Variants in SNX29 observed in about 807,000 individuals in gnomAD.
SNX29 encodes sorting nexin 29.
In SNX29, 78 loss-of-function variants were observed where a neutral mutation model predicts 102.1. That is an observed-to-expected ratio of 0.76 (90% CI 0.64 to 0.92). The LOEUF (loss-of-function observed/expected upper bound fraction) is 0.92, where lower values mean the gene tolerates loss of function less well. Ranked by LOEUF, SNX29 falls within the 40% of genes least tolerant of loss-of-function variation. The pLI is 0.00. For synonymous variants in SNX29, 580 were observed against 414.5 expected (o/e 1.40, Z -4.85); for missense variants, 1,280 against 1,061.7 (o/e 1.21, Z -2.86).
chr16:12,432,484 G>C (rs2085353014), intron 18 of SNX29, among the ~76,000 whole-genome samples: 2 of 152,210 alleles, frequency 1.3e-5, no homozygotes, highest in South Asian at 4.1e-4. Flanking sequence ...CTGGAGAAAA[G>C]GTGGCCTGGG....
intron 18 of SNX29, among the ~76,000 whole-genome samples, chr16:12,430,201 C>T (rs982343598): frequency 3.9e-5 from 6 of 152,352 alleles, no homozygotes; most frequent in South Asian, 2.1e-4. Flanking sequence ...CATCAGTTCC[C>T]CCCCCAGCCC....
chr16:12,494,189 A>G (rs1326493520), intron 19 of SNX29, among the ~76,000 whole-genome samples: 2 of 152,096 alleles, frequency 1.3e-5, no homozygotes, highest in Admixed American at 6.6e-5. Context: ...CTCAACAACA[A>G]CAGCGAACTC....
At chr16:12,235,099 T>A (rs996124658) in intron 14 of SNX29, among the ~76,000 whole-genome samples, 9 of 152,224 alleles carry the variant, frequency 5.9e-5, no homozygotes, top group African/African-American at 1.9e-4. Flanking sequence ...TCTGTGTCTT[T>A]TTTTTCATTT....
chr16:12,342,922 G>A (rs2081655905), intron 15 of SNX29, among the ~76,000 whole-genome samples: 1 of 152,214 alleles, frequency 6.6e-6, no homozygotes, highest in African/African-American at 2.4e-5. Flanking sequence ...TTCCTGGGAG[G>A]AGCAAGCCAG....
intron 18 of SNX29, among the ~76,000 whole-genome samples, chr16:12,430,211 C>G (rs941465080): frequency 6.6e-6 from 1 of 152,216 alleles, no homozygotes; most frequent in Non-Finnish European, 1.5e-5. Flanking sequence ...CCCCCCAGCC[C>G]CAGTCCATGG....
In SNX29 at chr16:12,181,070, G is replaced by A. The variant is rs182374832; in HGVS notation, c.1596-18531G>A. Among the ~76,000 whole-genome samples the A allele has an allele frequency of 3.5e-4, 54 of 152,336 alleles. 1 individual carries two copies. The East Asian group carries it at 7.3e-3, about 21-fold the overall frequency. ...GACAGTACAGATTTGAGAGTCAGTG[G>A]AGGTGGGCCTGGGTTACCGTGGATC... On this transcript the variant is annotated intron_variant, in intron 13 of 20. Coordinates refer to ENST00000566228, the MANE Select transcript of SNX29 (RefSeq NM_032167.5).
chr16:12,109,494 T>G (rs962816034), intron 11 of SNX29, among the ~76,000 whole-genome samples: 1 of 152,142 alleles, frequency 6.6e-6, no homozygotes, highest in African/African-American at 2.4e-5. Flanking sequence ...TACTGGGGCT[T>G]AAATTTCACT....
At chr16:12,506,325 G>C (rs74009108) in intron 19 of SNX29, among the ~76,000 whole-genome samples, 3 of 152,186 alleles carry the variant, frequency 2.0e-5, no homozygotes, top group Non-Finnish European at 4.4e-5. Context: ...AAAAAGCTGG[G>C]CTTGAATCCT....
chr16:12,290,354 C>G (rs991650623), intron 15 of SNX29, among the ~76,000 whole-genome samples: 1 of 152,160 alleles, frequency 6.6e-6, no homozygotes, highest in Admixed American at 6.5e-5. Context: ...TGAACCCTTT[C>G]CTGTCCGTTT....
At chr16:12,039,770 G>C (rs2057575777) in intron 4 of SNX29, among the ~76,000 whole-genome samples, 1 of 152,208 alleles carries the variant, frequency 6.6e-6, no homozygotes, top group African/African-American at 2.4e-5. Flanking sequence ...GTGTGATTTA[G>C]TGGTTTGCAG....
intron 19 of SNX29, among the ~76,000 whole-genome samples, chr16:12,490,382 G>T (rs566198486): frequency 1.0e-3 from 153 of 152,114 alleles, no homozygotes; most frequent in Non-Finnish European, 1.9e-3. Flanking sequence ...AGCAATTGTT[G>T]GTTCATTTTC....
At chr16:12,007,420 G>A (rs770881255) in intron 3 of SNX29, among the ~76,000 whole-genome samples, 3 of 152,066 alleles carry the variant, frequency 2.0e-5, no homozygotes, top group Non-Finnish European at 4.4e-5. Flanking sequence ...CAGGAGAATC[G>A]CTTGAACCCA....
chr16:12,132,245 C>T (rs1363356729), intron 13 of SNX29, among the ~76,000 whole-genome samples: 1 of 151,988 alleles, frequency 6.6e-6, no homozygotes, highest in African/African-American at 2.4e-5. Flanking sequence ...ATTACAGGTG[C>T]CCGCCACTAT....
chr16:12,525,091 G>C (rs188802846), intron 20 of SNX29, among the ~76,000 whole-genome samples: 27 of 152,096 alleles, frequency 1.8e-4, no homozygotes, highest in Admixed American at 1.7e-3. Flanking sequence ...AAGAAACTTG[G>C]GGCTCTGTGA....
In SNX29 at chr16:12,572,987, T is replaced by C; in HGVS notation, c.*4358T>C. The C allele has an allele frequency of 5.0e-6, 2 of 399,754 alleles. No homozygotes were observed. Among genetic ancestry groups the C allele is most frequent in the Non-Finnish European group, 3.7e-6 (1 of 271,462 alleles). The allele number at this position is 399,754 out of a possible 1,614,324, so 24.8% of individuals were successfully genotyped here. A position where few individuals can be genotyped will look rare whatever the true frequency, so the allele number is the denominator to read the frequency against. On this transcript the variant is annotated 3_prime_UTR_variant, in exon 21 of 21. Coordinates refer to ENST00000566228, the MANE Select transcript of SNX29 (RefSeq NM_032167.5). Reference sequence around the variant, plus strand: ...GATTTTTCAAAATATTGTGCATTAATTCATTAAAGCTACTGTTAAATATTT... The same window carrying C: ...GATTTTTCAAAATATTGTGCATTAACTCATTAAAGCTACTGTTAAATATTT...
At chr16:12,107,253 A>C in intron 11 of SNX29, among the ~76,000 whole-genome samples, 1 of 151,986 alleles carries the variant, frequency 6.6e-6, no homozygotes, top group South Asian at 2.1e-4. Context: ...GTTACTACAG[A>C]AGAAGAAAAT....
intron 18 of SNX29, among the ~76,000 whole-genome samples, chr16:12,428,511 A>G (rs1423890388): frequency 6.6e-6 from 1 of 152,268 alleles, no homozygotes; most frequent in African/African-American, 2.4e-5. Flanking sequence ...TCACATAGAT[A>G]CAGTTGCAAT....
chr16:12,567,021 A>G (rs1434604570), intron 20 of SNX29, among the ~76,000 whole-genome samples: 1 of 152,232 alleles, frequency 6.6e-6, no homozygotes, highest in African/African-American at 2.4e-5. Flanking sequence ...ATCATTGTGA[A>G]GAGATTCACT....
intron 11 of SNX29, among the ~76,000 whole-genome samples, chr16:12,126,005 T>C (rs915939188): frequency 6.6e-6 from 1 of 152,166 alleles, no homozygotes; most frequent in African/African-American, 2.4e-5. Flanking sequence ...GTGGTGATCT[T>C]GTTTCACACT....
Sources: allele counts gnomAD v4.1 joint callset (sites outside exome capture counted in the v4.1 genomes callset), GRCh38; gene constraint gnomAD v4.1.1; transcripts MANE v1.5; gene names NCBI Gene and HGNC (gene_info 2026-07-23, HGNC 2026-07-21).